RHOU: variants seen among roughly 807,000 people sequenced by gnomAD.
The protein encoded by RHOU is rho-related GTP-binding protein RhoU.
RHOU carries 8 observed loss-of-function variants against 12.6 expected under a neutral mutation model. That is an observed-to-expected ratio of 0.64 (90% CI 0.37 to 1.15). The LOEUF (loss-of-function observed/expected upper bound fraction) is 1.15, where lower values mean the gene tolerates loss of function less well. RHOU is among the 50% of genes most tolerant of loss of function. The pLI is 0.01. For missense variants in RHOU, 258 were observed against 347.0 expected, an observed-to-expected ratio of 0.74 and a Z score of 2.04; for synonymous variants, 161 against 147.4, an observed-to-expected ratio of 1.09 and a Z score of -0.67.
the RHOU span, among the ~76,000 whole-genome samples, chr1:228,688,676 T>C: frequency 6.6e-6 from 1 of 152,194 alleles, no homozygotes. Context: ...TAAAGTGCTG[T>C]GTGTGCTGAT....
the RHOU span, among the ~76,000 whole-genome samples, chr1:228,722,036 G>A: frequency 2.0e-5 from 3 of 152,194 alleles, no homozygotes; most frequent in Admixed American, 6.5e-5. Context: ...TTGGCAAATA[G>A]GCAGAGCCTG....
At chr1:228,729,568 T>C in the RHOU span, among the ~76,000 whole-genome samples, 4 of 152,186 alleles carry the variant, frequency 2.6e-5, no homozygotes, top group African/African-American at 7.2e-5. Flanking sequence ...AGTTACAAGA[T>C]GCAAGAAGAC....
the RHOU span, among the ~76,000 whole-genome samples, chr1:228,669,461 C>T: frequency 1.3e-5 from 2 of 152,178 alleles, no homozygotes; most frequent in African/African-American, 2.4e-5. Context: ...AATAAAAGCT[C>T]TCACCTCCTA....
chr1:228,653,401 C>A, the RHOU span, among the ~76,000 whole-genome samples: 1 of 152,130 alleles, frequency 6.6e-6, no homozygotes, highest in Non-Finnish European at 1.5e-5. Flanking sequence ...CTCACTGCAA[C>A]CTCCGCCTCC....
chr1:228,721,425 A>AT, the RHOU span, among the ~76,000 whole-genome samples: 2 of 152,216 alleles, frequency 1.3e-5, no homozygotes, highest in Non-Finnish European at 1.5e-5. Context: ...ATATTTTAAT[A>AT]TTTTTTAAAA....
upstream of RHOU, among the ~76,000 whole-genome samples, chr1:228,734,772 G>A (rs910319166): frequency 1.3e-5 from 2 of 152,114 alleles, no homozygotes; most frequent in Non-Finnish European, 2.9e-5. Flanking sequence ...ATGAATCAAA[G>A]GGAAACGGAA....
chr1:228,689,554 A>G, the RHOU span, among the ~76,000 whole-genome samples: 11 of 152,060 alleles, frequency 7.2e-5, no homozygotes, highest in South Asian at 2.3e-3. Flanking sequence ...GGGGTCCCCA[A>G]CTCCTGGGCT....
chr1:228,674,795 A>G, the RHOU span, among the ~76,000 whole-genome samples: 4 of 151,372 alleles, frequency 2.6e-5, no homozygotes, highest in East Asian at 7.8e-4. Context: ...CAGTGGCGCG[A>G]CCTCGGCTCA....
At chr1:228,692,682 A>T in the RHOU span, among the ~76,000 whole-genome samples, 2 of 151,988 alleles carry the variant, frequency 1.3e-5, no homozygotes, top group African/African-American at 2.4e-5. Flanking sequence ...CCATCCTCCC[A>T]CCTTGGCCTC....
the RHOU span, among the ~76,000 whole-genome samples, chr1:228,647,075 G>T: frequency 6.6e-6 from 1 of 152,204 alleles, no homozygotes; most frequent in African/African-American, 2.4e-5. Context: ...TTGAGCCTTA[G>T]AGAGGAAGCA....
chr1:228,689,674 T>C, the RHOU span, among the ~76,000 whole-genome samples: 653 of 151,950 alleles, frequency 4.3e-3, 5 homozygotes, highest in Non-Finnish European at 4.0e-3. Context: ...TCAGCAGTGA[T>C]ATTAGTCTCA....
the RHOU span, among the ~76,000 whole-genome samples, chr1:228,680,431 C>T: frequency 3.9e-5 from 6 of 152,110 alleles, no homozygotes; most frequent in Admixed American, 3.3e-4. Context: ...TTTTAAGGAG[C>T]CTCTGGGAGC....
At chr1:228,696,767 G>A in the RHOU span, among the ~76,000 whole-genome samples, 7 of 151,762 alleles carry the variant, frequency 4.6e-5, no homozygotes, top group South Asian at 6.3e-4. Context: ...GGCTGGTCTC[G>A]AACTCCGAGG....
At chr1:228,647,790 A>C in the RHOU span, 1 of 152,402 alleles carries the variant, frequency 6.6e-6, no homozygotes, top group South Asian at 2.1e-4. Flanking sequence ...AGGTTAGCCC[A>C]CACTAAGCGG....
At chr1:228,674,887 T>C in the RHOU span, among the ~76,000 whole-genome samples, 4 of 151,996 alleles carry the variant, frequency 2.6e-5, no homozygotes, top group South Asian at 2.1e-4. Context: ...CCTGCCACCA[T>C]GCCCGGCTAA....
chr1:228,665,279 A>G, the RHOU span, among the ~76,000 whole-genome samples: 1 of 152,208 alleles, frequency 6.6e-6, no homozygotes, highest in Non-Finnish European at 1.5e-5. Flanking sequence ...TACTATTATT[A>G]CCATTTCCAT....
At chr1:228,684,115 G>A in the RHOU span, among the ~76,000 whole-genome samples, 7 of 151,854 alleles carry the variant, frequency 4.6e-5, no homozygotes, top group Admixed American at 4.6e-4. Context: ...TCGGCTCACT[G>A]CAACCTCCAG....
the RHOU span, among the ~76,000 whole-genome samples, chr1:228,652,848 C>T: frequency 1.3e-5 from 2 of 152,214 alleles, no homozygotes; most frequent in East Asian, 1.9e-4. Flanking sequence ...AATATTTTCG[C>T]TTATGCTATC....
chr1:228,725,239 C>A, the RHOU span, among the ~76,000 whole-genome samples: 1 of 152,204 alleles, frequency 6.6e-6, no homozygotes, highest in East Asian at 1.9e-4. Context: ...TCAAAATTTA[C>A]AGGAACTTGA....
Sources: allele counts gnomAD v4.1 joint callset (sites outside exome capture counted in the v4.1 genomes callset), GRCh38; gene constraint gnomAD v4.1.1; transcripts MANE v1.5; gene names NCBI Gene and HGNC (gene_info 2026-07-23, HGNC 2026-07-21).